The following COL18A1 variants were observed in gnomAD, a reference collection of about 807,000 sequenced individuals.
The protein encoded by COL18A1 is collagen alpha-1(XVIII) chain.
In COL18A1, 133 loss-of-function variants were observed where a neutral mutation model predicts 168.0. The observed-to-expected ratio is 0.79, with a 90% confidence interval of 0.69 to 0.91. COL18A1 has a LOEUF of 0.91. Among genes scored for constraint, COL18A1 ranks in the 40% least tolerant of loss-of-function variants. The pLI is 0.00. For missense variants in COL18A1, 2,126 were observed against 1,925.4 expected, an observed-to-expected ratio of 1.10 and a Z score of -1.95; for synonymous variants, 949 against 809.0, an observed-to-expected ratio of 1.17 and a Z score of -2.94.
At chr21:45,429,244 A>T (rs959220884) in intron 2 of COL18A1, among the ~76,000 whole-genome samples, 1 of 152,100 alleles carries the variant, frequency 6.6e-6, no homozygotes, top group Non-Finnish European at 1.5e-5. Context: ...GGGATCTGAG[A>T]GTCTCTTTCC....
At chr21:45,494,467 G>A (rs995624373) in intron 26 of COL18A1, 78 bp from the exon 27 acceptor site, 34 of 1,603,508 alleles carry the variant, frequency 2.1e-5, no homozygotes, top group Middle Eastern at 1.7e-4. Context: ...CCGTGCCTTC[G>A]CCACAGGGGC....
At chr21:45,494,684 G>A in intron 27 of COL18A1, 113 bp downstream of exon 27, 1 of 1,517,512 alleles carries the variant, frequency 6.6e-7, no homozygotes, top group East Asian at 2.3e-5. Flanking sequence ...CATCTCCCTA[G>A]TGCAGTTTTA....
chr21:45,433,851 G>T (rs909764194), intron 2 of COL18A1, among the ~76,000 whole-genome samples: 3 of 152,264 alleles, frequency 2.0e-5, no homozygotes, highest in African/African-American at 7.2e-5. Flanking sequence ...AGGGGCTGTG[G>T]CATGGCATGA....
intron 2 of COL18A1, among the ~76,000 whole-genome samples, chr21:45,413,292 A>G (rs1170395381): frequency 6.6e-6 from 1 of 152,202 alleles, no homozygotes; most frequent in Non-Finnish European, 1.5e-5. Context: ...TGTATTAGAG[A>G]GGGCAGCCAT....
chr21:45,424,982 C>T (rs2033745653), intron 2 of COL18A1: 1 of 152,266 alleles, frequency 6.6e-6, no homozygotes, highest in South Asian at 2.1e-4. Context: ...GGTTCCAGAA[C>T]TTTCTTCAGA....
At chr21:45,493,636 C>T (rs1023480121) in intron 26 of COL18A1, 61 bp downstream of exon 26, 6 of 1,267,834 alleles carry the variant, frequency 4.7e-6, no homozygotes, top group Non-Finnish European at 6.7e-6. Context: ...TGGAGACAGC[C>T]TGGGGAGGGT....
intron 7 of COL18A1, 115 bp from the exon 8 acceptor site, chr21:45,477,635 C>A: frequency 3.2e-6 from 4 of 1,261,484 alleles, no homozygotes; most frequent in Non-Finnish European, 4.5e-6. Flanking sequence ...GTCCACCCTG[C>A]GTGTCCACTG....
In COL18A1 at chr21:45,444,584, C is replaced by T. The variant is rs140193935; in HGVS notation, c.107-23658C>T. Among the ~76,000 whole-genome samples the T allele has an allele frequency of 3.4e-3, 524 of 152,148 alleles. 3 individuals are homozygous for T. The highest frequency in any genetic ancestry group is 0.012 in the African/African-American group (497 of 41,508). On this transcript the variant is annotated intron_variant, in intron 2 of 41. Coordinates refer to ENST00000651438, the MANE Select transcript of COL18A1 (RefSeq NM_001379500.1). ...AGGAGCCCTCGATAAATGCCAGCTG[C>T]GAGCACCGGGGGCCAGCACGAGAGC... is the stretch of plus-strand genomic sequence containing the variant.
intron 2 of COL18A1, chr21:45,422,348 G>T (rs990889735): frequency 4.7e-6 from 2 of 426,140 alleles, no homozygotes; most frequent in Non-Finnish European, 9.7e-6. Flanking sequence ...GAGGCCCTGG[G>T]CTTGGTGGGC....
At chr21:45,442,465 G>T (rs2034394943) in intron 2 of COL18A1, among the ~76,000 whole-genome samples, 1 of 152,230 alleles carries the variant, frequency 6.6e-6, no homozygotes, top group South Asian at 2.1e-4. Context: ...GGCAGGCGCT[G>T]CCCTGTCAGC....
intron 2 of COL18A1, among the ~76,000 whole-genome samples, chr21:45,464,402 A>C (rs2035134806): frequency 6.6e-6 from 1 of 152,074 alleles, no homozygotes; most frequent in East Asian, 1.9e-4. Flanking sequence ...GGTGGAACAG[A>C]GCTCCTGAGT....
chr21:45,445,015 G>C (rs375878129), intron 2 of COL18A1, among the ~76,000 whole-genome samples: 1 of 152,124 alleles, frequency 6.6e-6, no homozygotes, highest in Non-Finnish European at 1.5e-5. Flanking sequence ...CAATTCACTC[G>C]AAGTGTACAA....
chr21:45,487,638 C>T (rs1425188057), intron 17 of COL18A1, 129 bp downstream of exon 17: 18 of 1,220,964 alleles, frequency 1.5e-5, no homozygotes, highest in East Asian at 7.0e-5. Context: ...GTGAGGACCA[C>T]GTGTGGCGGG....
chr21:45,416,053 G>A (rs1328508913), intron 2 of COL18A1, among the ~76,000 whole-genome samples: 1 of 152,204 alleles, frequency 6.6e-6, no homozygotes, highest in African/African-American at 2.4e-5. Flanking sequence ...GCAACACCGG[G>A]CAGGTATGCC....
intron 22 of COL18A1, 132 bp from the exon 23 acceptor site, chr21:45,492,403 C>T: frequency 1.8e-6 from 2 of 1,131,632 alleles, no homozygotes; most frequent in East Asian, 2.3e-5. Flanking sequence ...GCCCCAGGCC[C>T]AGGAAGACTG....
Position 45,491,393 on chromosome 21 carries a change from C to CA in COL18A1, c.2157+80dup, listed in dbSNP as rs201689768. On this transcript the variant is annotated intron_variant, in intron 22 of 41. Coordinates refer to ENST00000651438, the MANE Select transcript of COL18A1 (RefSeq NM_001379500.1). ...CAGAGATCCCTCCCCGAGCCCCCCC[C>CA]ACACCCCCACATCCCCCAGGTCAGG... The CA allele has an allele frequency of 0.054, 39,501 of 728,806 alleles. 1,399 individuals carry two copies. Among genetic ancestry groups the CA allele is most frequent in the African/African-American group, 0.12 (6,837 of 54,838 alleles). 45.1% of individuals were successfully genotyped at this position (728,806 alleles called of 1,614,324 possible).
rs2034489747 is a variant in COL18A1, at chr21:45,445,725, CT to C, written c.107-22514del. Among the ~76,000 whole-genome samples the C allele has an allele frequency of 2.6e-5, 4 of 152,074 alleles. No homozygotes were observed. The South Asian group carries it at 8.3e-4, about 32-fold the overall frequency. On this transcript the variant is annotated intron_variant, in intron 2 of 41. Coordinates refer to ENST00000651438, the MANE Select transcript of COL18A1 (RefSeq NM_001379500.1). ...GATAATGTTGAACATCTTTTTTTGT[CT>C]TTCTTGGCGATCTGTATTTCTTCTT...
At chr21:45,470,425 CTTTTTTTTTTT>C (rs1195744330) in intron 3 of COL18A1, among the ~76,000 whole-genome samples, 15 of 37,114 alleles carry the variant, frequency 4.0e-4, no homozygotes, top group African/African-American at 1.7e-3. Context: ...TTTACCTTGT[CTTTTTTTTTTT>C]TTTTTTTTTT....
At chr21:45,415,980 T>C (rs1455119443) in intron 2 of COL18A1, among the ~76,000 whole-genome samples, 1 of 152,160 alleles carries the variant, frequency 6.6e-6, no homozygotes, top group Non-Finnish European at 1.5e-5. Context: ...CTGGAATGCC[T>C]CGCCGGGCCT....
Sources: gnomAD v4.1 joint callset for allele counts (sites outside exome capture counted in the v4.1 genomes callset) on GRCh38, gnomAD v4.1.1 for gene constraint, MANE v1.5 for transcripts, NCBI Gene and HGNC (gene_info 2026-07-23, HGNC 2026-07-21) for gene names.